The following PGAP1 variants were observed in gnomAD, a reference collection of about 807,000 sequenced individuals.
PGAP1 encodes post-GPI attachment to proteins inositol deacylase 1.
Under a neutral mutation model 127.0 loss-of-function variants are expected in PGAP1, and 76 were observed. The ratio of observed to expected loss-of-function variants is 0.60; its 90% CI spans 0.50 to 0.72. The LOEUF (loss-of-function observed/expected upper bound fraction) is 0.72, where lower values mean the gene tolerates loss of function less well. Ranked by LOEUF, PGAP1 falls within the 30% of genes least tolerant of loss-of-function variation. The pLI is 0.00. For synonymous variants in PGAP1, 362 were observed against 366.5 expected (o/e 0.99, Z 0.14); for missense variants, 982 against 1,071.3 (o/e 0.92, Z 1.16).
At chr2:196,855,049 A>G (rs1219058958) in intron 20 of PGAP1, among the ~76,000 whole-genome samples, 2 of 150,750 alleles carry the variant, frequency 1.3e-5, no homozygotes, top group Non-Finnish European at 3.0e-5. Flanking sequence ...TCAGCAGGGC[A>G]CGGTGGCTCA....
At chr2:196,886,842 G>A (rs577086165) in intron 10 of PGAP1, among the ~76,000 whole-genome samples, 3 of 151,902 alleles carry the variant, frequency 2.0e-5, no homozygotes, top group African/African-American at 4.8e-5. Flanking sequence ...GGACTACAGC[G>A]GTGTGACACC....
Position 196,924,793 on chromosome 2 carries a change from G to A in PGAP1, c.147+1677C>T, listed in dbSNP as rs918985011. 3.3e-5 allele frequency among the ~76,000 whole-genome samples: 5 copies of A among 152,106 alleles called. No individual in the cohort carries two copies. In the East Asian group the frequency reaches 7.7e-4, roughly 23 times the overall value. ...AGTCAATTTATGAGGCAGGAAATGCGTCTGTGAGATCCATATGCTTTGTTC... is the reference window on the plus strand; with the variant it reads ...AGTCAATTTATGAGGCAGGAAATGCATCTGTGAGATCCATATGCTTTGTTC... On this transcript the variant is annotated intron_variant, in intron 1 of 26. Coordinates refer to ENST00000354764, the MANE Select transcript of PGAP1 (RefSeq NM_024989.4).
In PGAP1 at chr2:196,841,348, T is replaced by C. The variant is rs778039608; in HGVS notation, c.2655A>G (p.Gln885=). 27 of 1,613,566 alleles carry C rather than the reference T, an allele frequency of 1.7e-5. No homozygotes were observed. In the Admixed American group the frequency reaches 4.2e-4, roughly 25 times the overall value. ...CACCAACAGCCAGAGGAAGTGGAAA[T>C]TGTGAAGTAGTCTTCAACAATTTAC... ...KSSKLLKTTS[Q]FPLPLAVGVI... Residue 885 remains glutamine (Q), a synonymous_variant, in exon 27 of 27, where the codon CAA becomes CAG. Coordinates refer to ENST00000354764, the MANE Select transcript of PGAP1 (RefSeq NM_024989.4).
intron 7 of PGAP1, among the ~76,000 whole-genome samples, chr2:196,894,471 A>G (rs1396753678): frequency 1.3e-5 from 2 of 152,218 alleles, no homozygotes; most frequent in Non-Finnish European, 2.9e-5. Context: ...TTAAGGGGCC[A>G]CATCTGTTTG....
chr2:196,840,118 TC>T lies in PGAP1; in HGVS notation c.*1115del, dbSNP rs1167649782. On this transcript the variant is annotated 3_prime_UTR_variant, in exon 27 of 27. Coordinates refer to ENST00000354764, the MANE Select transcript of PGAP1 (RefSeq NM_024989.4). Reference sequence around the variant, plus strand: ...GTTACTCTTATTTGTCAAACAGTAATCCCAGAAGTCACCTAGGCAAATCAAG... The same window carrying T: ...GTTACTCTTATTTGTCAAACAGTAATCCAGAAGTCACCTAGGCAAATCAAG... 3.3e-5 allele frequency: 5 copies of T among 152,184 alleles called. No individual in the cohort carries two copies. Among genetic ancestry groups the T allele is most frequent in the Admixed American group, 1.3e-4 (2 of 15,284 alleles). 9.4% of individuals were successfully genotyped at this position (152,184 alleles called of 1,614,324 possible).
chr2:196,903,365 A>G (rs2125828164), intron 4 of PGAP1, among the ~76,000 whole-genome samples: 1 of 152,040 alleles, frequency 6.6e-6, no homozygotes, highest in East Asian at 1.9e-4. Context: ...GTTTGAGACT[A>G]GCCTGGCCAA....
At chr2:196,862,230 G>A (rs986435190) in intron 20 of PGAP1, among the ~76,000 whole-genome samples, 9 of 152,022 alleles carry the variant, frequency 5.9e-5, no homozygotes, top group Admixed American at 5.9e-4. Context: ...GGCTCCCTGG[G>A]TGTGGCCGTC....
chr2:196,913,603 C>T (rs1445949744), intron 3 of PGAP1, among the ~76,000 whole-genome samples: 1 of 152,124 alleles, frequency 6.6e-6, no homozygotes, highest in African/African-American at 2.4e-5. Flanking sequence ...TAGATAAGTG[C>T]TTTTCAAAAA....
rs1702153611 is a variant in PGAP1 at position 196,893,019 on chromosome 2, T to C, written c.1033+121A>G. The stretch of plus-strand genomic sequence containing the variant: ...GAAATTAATAATATATGTATATATA[T>C]AATAGGATCCTAAAACTTGAAGTAT... On this transcript the variant is annotated intron_variant, in intron 8 of 26. Transcript: ENST00000354764. The C allele has an allele frequency of 1.0e-5, 5 of 500,172 alleles. No individual in the cohort carries two copies. The South Asian group carries it at 1.1e-4, about 11-fold the overall frequency. The allele number at this position is 500,172 out of a possible 1,614,324, so 31.0% of individuals were successfully genotyped here.
chr2:196,880,112 A>G lies in PGAP1; in HGVS notation c.1314T>C (p.His438=), dbSNP rs78994101. The G allele has an allele frequency of 6.3e-7, 1 of 1,599,648 alleles. No homozygotes were observed. The highest frequency in any genetic ancestry group is 8.5e-7 in the Non-Finnish European group (1 of 1,172,382). Residue 438 remains histidine (H), a synonymous_variant, in exon 13 of 27, where the codon CAT becomes CAC. Transcript: ENST00000354764. ...LRLQDYPSLS[H]LVVYVPSVRG... ...GAACAGATGGTACATAAACAACAAGATGAGACAAAGATGGATAGTCTTGAA... is the reference window on the plus strand; with the variant it reads ...GAACAGATGGTACATAAACAACAAGGTGAGACAAAGATGGATAGTCTTGAA...
At chr2:196,914,481 C>A (rs1702935297) in intron 3 of PGAP1, among the ~76,000 whole-genome samples, 3 of 151,982 alleles carry the variant, frequency 2.0e-5, no homozygotes, top group African/African-American at 7.2e-5. Flanking sequence ...ATTAGCTGGG[C>A]GTGGTGGCAC....
At chr2:196,893,755 ACTCT>A (rs1253726305) in intron 7 of PGAP1, among the ~76,000 whole-genome samples, 3 of 152,138 alleles carry the variant, frequency 2.0e-5, no homozygotes, top group Non-Finnish European at 2.9e-5. Context: ...CATAGAAATT[ACTCT>A]CTTTTATTCT....
chr2:196,925,391 A>C (rs961320264), intron 1 of PGAP1, among the ~76,000 whole-genome samples: 4 of 152,216 alleles, frequency 2.6e-5, no homozygotes, highest in African/African-American at 9.6e-5. Flanking sequence ...TTAAGAGTAT[A>C]CTAAAAATGT....
In PGAP1 at chr2:196,920,099, A is replaced by G; in HGVS notation, c.199T>C (p.Tyr67His). 1 of 1,613,292 alleles carries G rather than the reference A, an allele frequency of 6.2e-7. No homozygotes were observed. ...GCATAGGATCCCTCTCCATAAAGAT[A>G]CAACTCATATGCGGGATAGCGTTTT... ...LAKRYPAYEL[Y>H]LYGEGSYAEE... Residue 67 changes from tyrosine to histidine, a missense_variant, in exon 2 of 27, where the codon TAT becomes CAT. Physicochemically the swap from Tyr to His is moderately conservative, Grantham distance 83. Transcript: ENST00000354764.
chr2:196,895,451 C>T (rs532863991), intron 7 of PGAP1, among the ~76,000 whole-genome samples: 1 of 152,260 alleles, frequency 6.6e-6, no homozygotes, highest in South Asian at 2.1e-4. Context: ...AGTTGTACTC[C>T]CTCAAGTAGG....
chr2:196,916,650 C>T (rs770814510), intron 2 of PGAP1, 57 bp from the exon 3 acceptor site: 3 of 1,459,710 alleles, frequency 2.1e-6, no homozygotes, highest in Non-Finnish European at 2.7e-6. Flanking sequence ...TTCATCCATT[C>T]TTTCTTCAGA....
chr2:196,904,356 G>C (rs143577144), intron 4 of PGAP1, among the ~76,000 whole-genome samples: 139 of 152,232 alleles, frequency 9.1e-4, no homozygotes, highest in African/African-American at 3.2e-3. Context: ...TCAAGCTTAG[G>C]ATTCTACATA....
chr2:196,879,459 C>T (rs920566815), intron 13 of PGAP1, among the ~76,000 whole-genome samples: 8 of 152,160 alleles, frequency 5.3e-5, no homozygotes, highest in Non-Finnish European at 8.8e-5. Context: ...CTTTGGGAGG[C>T]CAAGGTGGGC....
intron 20 of PGAP1, among the ~76,000 whole-genome samples, chr2:196,850,412 A>C (rs960702603): frequency 2.0e-5 from 3 of 152,228 alleles, no homozygotes; most frequent in African/African-American, 7.2e-5. Context: ...ATGGAGAACA[A>C]GATCAGGCTC....
Sources: gnomAD v4.1 joint callset for allele counts (sites outside exome capture counted in the v4.1 genomes callset) on GRCh38, gnomAD v4.1.1 for gene constraint, MANE v1.5 for transcripts, NCBI Gene and HGNC (gene_info 2026-07-23, HGNC 2026-07-21) for gene names.